The following PRSS16 variants were observed in gnomAD, a reference collection of about 807,000 sequenced individuals.
PRSS16 encodes the protein serine protease 16.
In PRSS16, 43 loss-of-function variants were observed where a neutral mutation model predicts 61.7. The observed-to-expected ratio is 0.70, with a 90% CI of 0.55 to 0.90. The LOEUF (loss-of-function observed/expected upper bound fraction) is 0.90. PRSS16 is among the 40% of genes least tolerant of loss of function. The probability of loss-of-function intolerance (pLI) is 0.00; values close to 1 mark genes in which losing one functional copy is unlikely to be tolerated. For missense variants in PRSS16, 591 were observed against 659.1 expected, an observed-to-expected ratio of 0.90 and a Z score of 1.13; for synonymous variants, 273 against 285.2, an observed-to-expected ratio of 0.96 and a Z score of 0.43.
At chr6:27,253,332 C>G (rs1028041245) in intron 9 of PRSS16, 4 of 337,392 alleles carry the variant, frequency 1.2e-5, no homozygotes, top group Non-Finnish European at 2.3e-5. Flanking sequence ...ATGGACAACT[C>G]TGTAGTCCAT....
At chr6:27,248,625 A>G (rs904201617) in intron 2 of PRSS16, among the ~76,000 whole-genome samples, 11 of 152,052 alleles carry the variant, frequency 7.2e-5, no homozygotes, top group Non-Finnish European at 1.3e-4. Context: ...CTGGGGATAT[A>G]AGAGTGAAAA....
chr6:27,248,359 C>T (rs932018543), intron 2 of PRSS16, among the ~76,000 whole-genome samples: 1 of 151,912 alleles, frequency 6.6e-6, no homozygotes, highest in Non-Finnish European at 1.5e-5. Context: ...GGACACAAAA[C>T]CTACCACCAG....
Position 27,251,853 on chromosome 6 carries a change from C to T in PRSS16, c.821C>T (p.Pro274Leu), listed in dbSNP as rs553848201. 2.2e-5 allele frequency: 36 copies of T among 1,612,942 alleles called. No individual in the cohort carries two copies. Among genetic ancestry groups the T allele is most frequent in the Non-Finnish European group, 3.1e-5 (36 of 1,179,762 alleles). ...ALRTELSACG[P>L]LGRAENQAEL... ...CGGACGGAGCTGAGCGCTTGCGGGC[C>T]CCTGGGCCGCGCTGAAAACCAGGCG... Residue 274 changes from proline to leucine, a missense_variant, in exon 8 of 12, where the codon CCC becomes CTC. Physicochemically the swap from Pro to Leu is moderately conservative, Grantham distance 98. Transcript: ENST00000230582. The surrounding 1 kb of genome is among the most constrained non-coding windows in gnomAD (Gnocchi z 5.6).
chr6:27,254,540 G>A, intron 9 of PRSS16, 153 bp from the exon 10 acceptor site: 1 of 722,914 alleles, frequency 1.4e-6, no homozygotes, highest in South Asian at 1.8e-5. Context: ...CACTGTCAGG[G>A]GACTGTGTGA....
In PRSS16 at chr6:27,252,249, G is replaced by A; in HGVS notation, c.1008+209G>A. The A allele has an allele frequency of 1.6e-6, 1 of 614,242 alleles. No homozygotes were observed. The highest frequency in any genetic ancestry group is 2.7e-6 in the Non-Finnish European group (1 of 376,386). 38.0% of individuals were successfully genotyped at this position (614,242 alleles called of 1,614,324 possible). On this transcript the variant is annotated intron_variant, in intron 8 of 11. Coordinates refer to ENST00000230582, the MANE Select transcript of PRSS16 (RefSeq NM_005865.4). This position sits in a 1 kb window ranked among gnomAD's most constrained non-coding sequence, Gnocchi z 4.2. ...GCTGGGAGCCTGGCACACAGTGTGC[G>A]AATGTTAGAGACTGCGATTATTACC...
chr6:27,251,363 C>A lies in PRSS16; in HGVS notation c.717+99C>A. On this transcript the variant is annotated intron_variant, in intron 7 of 11. Coordinates refer to ENST00000230582, the MANE Select transcript of PRSS16 (RefSeq NM_005865.4). This position sits in a 1 kb window ranked among gnomAD's most constrained non-coding sequence, Gnocchi z 5.6. The stretch of plus-strand genomic sequence containing the variant: ...GAGAAGGGCGAAACCTGCAACGTGG[C>A]GGGGTCTAAGGAAGGTCGGAGCTCG... 1 of 1,429,330 alleles carries A rather than the reference C, an allele frequency of 7.0e-7. No individual in the cohort carries two copies. The highest frequency in any genetic ancestry group is 9.3e-7 in the Non-Finnish European group (1 of 1,069,818). The allele number at this position is 1,429,330 out of a possible 1,614,324, so 88.5% of individuals were successfully genotyped here.
intron 2 of PRSS16, 113 bp downstream of exon 2, chr6:27,248,161 C>A: frequency 8.0e-7 from 1 of 1,251,684 alleles, no homozygotes; most frequent in Non-Finnish European, 1.1e-6. Context: ...CTCCCCATCC[C>A]TCTGCTTGAA....
At position 27,251,279 on chromosome 6, in the gene PRSS16, C is replaced by G; in HGVS notation, c.717+15C>G. On this transcript the variant is annotated intron_variant, in intron 7 of 11. Transcript: ENST00000230582. This position sits in a 1 kb window ranked among gnomAD's most constrained non-coding sequence, Gnocchi z 5.6. ...GGTCCCTGGAGGTAGGAGGTGGGGCCTAGTCCGAGGGGGACTGGGAGGGAA... is the reference window on the plus strand; with the variant it reads ...GGTCCCTGGAGGTAGGAGGTGGGGCGTAGTCCGAGGGGGACTGGGAGGGAA... The G allele has an allele frequency of 6.3e-7, 1 of 1,597,156 alleles. No individual in the cohort carries two copies. Among genetic ancestry groups the G allele is most frequent in the Non-Finnish European group, 8.5e-7 (1 of 1,171,790 alleles).
At position 27,255,130 on chromosome 6, in the gene PRSS16, A is replaced by G; in HGVS notation, c.1475A>G (p.Gln492Arg). 1 of 1,614,118 alleles carries G rather than the reference A, an allele frequency of 6.2e-7. No homozygotes were observed. The highest frequency in any genetic ancestry group is 8.5e-7 in the Non-Finnish European group (1 of 1,180,016). ...TCCCCCAGCCTCCGCCTAGGGCGCC[A>G]GGTAAGAGAAAAAAGGCTCTGAATC... ...SDSPSLRLGR[Q>R]NIFQQLQTWL... The change falls in exon 11 of 12, where the codon CAG becomes CGG. Residue 492 changes from glutamine to arginine, a missense_variant and splice_region_variant. Transcript: ENST00000230582. This position sits in a 1 kb window ranked among gnomAD's most constrained non-coding sequence, Gnocchi z 4.4.
chr6:27,253,345 C>G (rs868499618), intron 9 of PRSS16: 2 of 335,604 alleles, frequency 6.0e-6, no homozygotes, highest in Admixed American at 3.8e-5. Context: ...TAGTCCATCC[C>G]TTGTGCTTTC....
Position 27,251,853 on chromosome 6 carries a change from C to G in PRSS16, c.821C>G (p.Pro274Arg). The G allele has an allele frequency of 6.2e-7, 1 of 1,613,060 alleles. No individual in the cohort carries two copies. The highest frequency in any genetic ancestry group is 8.5e-7 in the Non-Finnish European group (1 of 1,179,754). The change falls in exon 8 of 12, where the codon CCC becomes CGC. Residue 274 changes from proline to arginine, a missense_variant. Coordinates refer to ENST00000230582, the MANE Select transcript of PRSS16 (RefSeq NM_005865.4). The surrounding 1 kb of genome is among the most constrained non-coding windows in gnomAD (Gnocchi z 5.6). ...CGGACGGAGCTGAGCGCTTGCGGGC[C>G]CCTGGGCCGCGCTGAAAACCAGGCG... ...ALRTELSACGPLGRAENQAEL... is the reference protein window; with the variant it reads ...ALRTELSACGRLGRAENQAEL...
chr6:27,253,658 A>G (rs1759970183), intron 9 of PRSS16: 1 of 193,684 alleles, frequency 5.2e-6, no homozygotes, highest in Non-Finnish European at 1.1e-5. Flanking sequence ...GGTAAATTAA[A>G]TGTTCAAATT....
Position 27,255,095 on chromosome 6 carries a change from G to A in PRSS16, c.1440G>A (p.Arg480=). The change falls in exon 11 of 12, where the codon AGG becomes AGA. Residue 480 remains arginine, a synonymous_variant. Transcript: ENST00000230582. This position sits in a 1 kb window ranked among gnomAD's most constrained non-coding sequence, Gnocchi z 4.4. ...ACTGCTTGGACATGGCACCTGAGAG[G>A]CCCTCAGACTCCCCCAGCCTCCGCC... is the stretch of plus-strand genomic sequence containing the variant. ...GSHCLDMAPE[R]PSDSPSLRLG... is the part of the protein sequence containing the mutation. 6.2e-7 allele frequency: 1 copy of A among 1,614,156 alleles called. No individual in the cohort carries two copies. Among genetic ancestry groups the A allele is most frequent in the Non-Finnish European group, 8.5e-7 (1 of 1,180,026 alleles).
chr6:27,251,485 G>T lies in PRSS16; in HGVS notation c.717+221G>T. On this transcript the variant is annotated intron_variant, in intron 7 of 11. Coordinates refer to ENST00000230582, the MANE Select transcript of PRSS16 (RefSeq NM_005865.4). The surrounding 1 kb of genome is among the most constrained non-coding windows in gnomAD (Gnocchi z 5.6). ...CCAGAGAGGGCGGGGTTTGGGCAGG[G>T]ACAATCCTATCCGGAGGTGAGGCTC... The T allele has an allele frequency of 1.3e-6, 1 of 745,780 alleles. No homozygotes were observed. The highest frequency in any genetic ancestry group is 2.1e-6 in the Non-Finnish European group (1 of 475,236). The allele number at this position is 745,780 out of a possible 1,614,324, so 46.2% of individuals were successfully genotyped here.
In PRSS16 at chr6:27,249,209, C is replaced by T; in HGVS notation, c.447C>T (p.Arg149=). Residue 149 remains arginine, a synonymous_variant, in exon 4 of 12, where the codon CGC becomes CGT. Transcript: ENST00000230582. ...PAGGLEMAQL[R]FLSSRLALAD... is the part of the protein sequence containing the mutation. ...GAGGCCTGGAAATGGCCCAGCTCCG[C>T]TTCTTGTCCAGCCGCCTTGCGTGAG... 5 of 1,613,942 alleles carry T rather than the reference C, an allele frequency of 3.1e-6. No individual in the cohort carries two copies. Among genetic ancestry groups the T allele is most frequent in the Middle Eastern group, 1.7e-4 (1 of 6,058 alleles).
Position 27,251,927 on chromosome 6 carries a change from G to A in PRSS16, c.895G>A (p.Asp299Asn). ...QALVGGVVQYDGQTGAPLSVR... is the reference protein window; with the variant it reads ...QALVGGVVQYNGQTGAPLSVR... The stretch of plus-strand genomic sequence containing the variant: ...ACTGGTGGGAGGTGTAGTGCAGTAT[G>A]ATGGGCAGACGGGAGCGCCGCTAAG... The change falls in exon 8 of 12, where the codon GAT becomes AAT. Residue 299 changes from aspartate (D) to asparagine (N), a missense_variant. Physicochemically the swap from Asp to Asn is conservative, Grantham distance 23. Transcript: ENST00000230582. The surrounding 1 kb of genome is among the most constrained non-coding windows in gnomAD (Gnocchi z 5.6). The A allele has an allele frequency of 2.5e-6, 4 of 1,612,814 alleles. No individual in the cohort carries two copies. Among genetic ancestry groups the A allele is most frequent in the Non-Finnish European group, 3.4e-6 (4 of 1,179,632 alleles).
Position 27,252,237 on chromosome 6 carries a change from C to A in PRSS16, c.1008+197C>A. ...GTAGAGCAATCAGCTGGGAGCCTGG[C>A]ACACAGTGTGCGAATGTTAGAGACT... is the stretch of plus-strand genomic sequence containing the variant. On this transcript the variant is annotated intron_variant, in intron 8 of 11. Transcript: ENST00000230582. The surrounding 1 kb of genome is among the most constrained non-coding windows in gnomAD (Gnocchi z 4.2). 3.0e-6 allele frequency: 2 copies of A among 663,512 alleles called. No homozygotes were observed. The highest frequency in any genetic ancestry group is 4.8e-6 in the Non-Finnish European group (2 of 417,434). 41.1% of individuals were successfully genotyped at this position (663,512 alleles called of 1,614,324 possible).
Position 27,247,765 on chromosome 6 carries a change from G to A in PRSS16, c.28G>A (p.Gly10Ser). 1.9e-6 allele frequency: 3 copies of A among 1,591,184 alleles called. No homozygotes were observed. The highest frequency in any genetic ancestry group is 2.6e-6 in the Non-Finnish European group (3 of 1,169,216). Reference sequence around the variant, plus strand: ...GGCCGTCTGGCTTGCCCAGTGGCTGGGCCCTCTGCTCTTGGTTTCCCTCTG... The same window carrying A: ...GGCCGTCTGGCTTGCCCAGTGGCTGAGCCCTCTGCTCTTGGTTTCCCTCTG... MAVWLAQWLGPLLLVSLWGL... is the reference protein window; with the variant it reads MAVWLAQWLSPLLLVSLWGL... The change falls in exon 1 of 12, where the codon GGC (glycine) becomes AGC (serine). Residue 10 changes from glycine (G) to serine (S), a missense_variant. Coordinates refer to ENST00000230582, the MANE Select transcript of PRSS16 (RefSeq NM_005865.4).
rs1759942320 is a variant in PRSS16, at chr6:27,252,732, G to A, written c.1009-76G>A. 6 of 1,552,216 alleles carry A rather than the reference G, an allele frequency of 3.9e-6. No homozygotes were observed. Among genetic ancestry groups the A allele is most frequent in the South Asian group, 1.1e-5 (1 of 87,436 alleles). ...CTATTTCTGACTTTTGACCTCTGGG[G>A]ACATAGGCCTCTGCACCCTGGCTTG... is the stretch of plus-strand genomic sequence containing the variant. On this transcript the variant is annotated intron_variant, in intron 8 of 11. Coordinates refer to ENST00000230582, the MANE Select transcript of PRSS16 (RefSeq NM_005865.4). The surrounding 1 kb of genome is among the most constrained non-coding windows in gnomAD (Gnocchi z 4.2).
Sources: allele counts gnomAD v4.1 joint callset (sites outside exome capture counted in the v4.1 genomes callset), GRCh38; gene constraint gnomAD v4.1.1; non-coding constraint Gnocchi (gnomAD v3.1); transcripts MANE v1.5; gene names NCBI Gene and HGNC (gene_info 2026-07-23, HGNC 2026-07-21).